The following ATXN2 variants were observed in gnomAD, a reference collection of about 807,000 sequenced individuals.
ATXN2 encodes the protein ataxin-2.
In ATXN2, 37 loss-of-function variants were observed where a neutral mutation model predicts 138.6. The ratio of observed to expected loss-of-function variants is 0.27; its 90% CI spans 0.21 to 0.35. ATXN2 has a LOEUF of 0.35. ATXN2 is among the 10% of genes least tolerant of loss of function. The pLI, the probability that ATXN2 is intolerant of heterozygous loss-of-function variation, is 1.00. For missense variants in ATXN2, 1,216 were observed against 1,480.3 expected (o/e 0.82, Z 2.93); for synonymous variants, 549 against 543.7 (o/e 1.01, Z -0.13).
chr12:111,470,612 A>G lies in ATXN2; in HGVS notation c.2655T>C (p.Pro885=), dbSNP rs1876342170. ...AYSTQYVAYS[P]QQFPNQPLVQ... ...CAAGGGGCTGATTTGGGAACTGCTG[A>G]GGACTGTAGGCAACATATTGCGTGG... Residue 885 remains proline, a synonymous_variant, in exon 19 of 25, where the codon CCT becomes CCC. Transcript: ENST00000673436. 1.2e-6 allele frequency: 2 copies of G among 1,614,160 alleles called. No homozygotes were observed. Among genetic ancestry groups the G allele is most frequent in the Non-Finnish European group, 1.7e-6 (2 of 1,180,022 alleles).
chr12:111,579,699 CTTT>C (rs553336363), intron 1 of ATXN2, among the ~76,000 whole-genome samples: 8 of 138,836 alleles, frequency 5.8e-5, no homozygotes, highest in Admixed American at 1.5e-4. Context: ...TACAGACGAC[CTTT>C]TTTTTTTTTT....
At chr12:111,578,690 CAAAT>C (rs1343936593) in intron 1 of ATXN2, among the ~76,000 whole-genome samples, 1 of 152,066 alleles carries the variant, frequency 6.6e-6, no homozygotes, top group South Asian at 2.1e-4. Flanking sequence ...GTATGAATGT[CAAAT>C]AAACACATGA....
At chr12:111,461,153 C>A (rs1462632859) in intron 21 of ATXN2, 1 of 152,180 alleles carries the variant, frequency 6.6e-6, no homozygotes, top group Non-Finnish European at 1.5e-5. Context: ...ATCAGGAATT[C>A]TTTTCCTCCT....
chr12:111,598,184 A>G lies in ATXN2; in HGVS notation c.251+600T>C, dbSNP rs2135861177. ...CGGGGGCCAAGGCCCACTTGTCTCC[A>G]CCCCGTCCTCCGATCTTTCCCAGGA... On this transcript the variant is annotated intron_variant, in intron 1 of 24. Transcript: ENST00000673436. The surrounding 1 kb of genome is among the most constrained non-coding windows in gnomAD (Gnocchi z 4.5). The G allele has an allele frequency of 9.5e-7, 1 of 1,053,742 alleles. No homozygotes were observed. Among genetic ancestry groups the G allele is most frequent in the African/African-American group, 1.7e-5 (1 of 59,588 alleles). 65.3% of individuals were successfully genotyped at this position (1,053,742 alleles called of 1,614,324 possible). A position where few individuals can be genotyped will look rare whatever the true frequency, so the allele number is the denominator to read the frequency against.
chr12:111,484,265 TC>T (rs1332534502), intron 18 of ATXN2, among the ~76,000 whole-genome samples: 2 of 151,120 alleles, frequency 1.3e-5, no homozygotes, highest in South Asian at 2.1e-4. Flanking sequence ...AGATTTCAGA[TC>T]AAAAAGCTTT....
chr12:111,453,214 TCCC>T lies in ATXN2; in HGVS notation c.3440-377_3440-375del. On this transcript the variant is annotated intron_variant, in intron 24 of 24. Transcript: ENST00000673436. The surrounding 1 kb of genome is among the most constrained non-coding windows in gnomAD (Gnocchi z 5.4). The stretch of plus-strand genomic sequence containing the variant: ...AGTAGAGCACAATCACAGGGCGCTC[TCCC>T]CTGTTCAGGGGCTGGGGCTAACGCT... The T allele has an allele frequency of 1.8e-6, 2 of 1,085,278 alleles. No individual in the cohort carries two copies. Among genetic ancestry groups the T allele is most frequent in the Non-Finnish European group, 2.2e-6 (2 of 893,918 alleles). The allele number at this position is 1,085,278 out of a possible 1,614,324, so 67.2% of individuals were successfully genotyped here. A position where few individuals can be genotyped will look rare whatever the true frequency, so the allele number is the denominator to read the frequency against.
chr12:111,556,673 AGGTGTGGT>A (rs1335193164), intron 1 of ATXN2, among the ~76,000 whole-genome samples: 1 of 151,866 alleles, frequency 6.6e-6, no homozygotes, highest in African/African-American at 2.4e-5. Flanking sequence ...AAAATTAGCC[AGGTGTGGT>A]GGCATGCGCC....
At chr12:111,554,262 C>CTATTAGA (rs1882274000) in intron 2 of ATXN2, 45 bp from the exon 3 acceptor site, 1 of 1,238,036 alleles carries the variant, frequency 8.1e-7, no homozygotes. Flanking sequence ...TTAGTACAAA[C>CTATTAGA]TGAATCTTCC....
intron 1 of ATXN2, among the ~76,000 whole-genome samples, chr12:111,563,328 T>G (rs1238665352): frequency 6.6e-6 from 1 of 152,166 alleles, no homozygotes; most frequent in East Asian, 1.9e-4. Flanking sequence ...TATATATATA[T>G]GTAGAATATA....
chr12:111,591,168 C>T (rs1405882722), intron 1 of ATXN2, among the ~76,000 whole-genome samples: 4 of 152,110 alleles, frequency 2.6e-5, no homozygotes, highest in Middle Eastern at 3.4e-3. Context: ...GGATTACAGG[C>T]GTGAGCCACC....
At chr12:111,519,776 C>T (rs959265996) in intron 8 of ATXN2, 103 bp downstream of exon 8, 2 of 1,564,126 alleles carry the variant, frequency 1.3e-6, no homozygotes, top group African/African-American at 2.7e-5. Context: ...CATTCTCTAC[C>T]TAAGCTATAT....
At chr12:111,583,203 G>T (rs1044736593) in intron 1 of ATXN2, among the ~76,000 whole-genome samples, 2 of 147,972 alleles carry the variant, frequency 1.4e-5, no homozygotes, top group Non-Finnish European at 3.0e-5. Context: ...ATGTTGCCCA[G>T]GTTGGTCTCG....
At chr12:111,564,022 T>C (rs79332518) in intron 1 of ATXN2, among the ~76,000 whole-genome samples, 1,606 of 152,270 alleles carry the variant, frequency 0.011, 23 homozygotes, top group African/African-American at 0.035. Context: ...CAGGGGGTCA[T>C]AGCCCCACAT....
At chr12:111,479,855 T>TAA (rs11345860) in intron 18 of ATXN2, among the ~76,000 whole-genome samples, 1 of 140,546 alleles carries the variant, frequency 7.1e-6, no homozygotes, top group South Asian at 2.2e-4. Flanking sequence ...TTCCATTTAT[T>TAA]AAAAAAAAAA....
chr12:111,521,368 T>C (rs966693998), intron 6 of ATXN2, among the ~76,000 whole-genome samples: 1 of 152,208 alleles, frequency 6.6e-6, no homozygotes, highest in African/African-American at 2.4e-5. Flanking sequence ...CATATTTTAC[T>C]TCTTTTAAAC....
At chr12:111,553,491 C>T (rs1338487819) in intron 3 of ATXN2, among the ~76,000 whole-genome samples, 2 of 127,990 alleles carry the variant, frequency 1.6e-5, no homozygotes, top group Non-Finnish European at 3.1e-5. Context: ...TGTAAATTGT[C>T]ATACTGTATT....
At chr12:111,538,607 C>T (rs1370019673) in intron 5 of ATXN2, among the ~76,000 whole-genome samples, 1 of 149,876 alleles carries the variant, frequency 6.7e-6, no homozygotes, top group African/African-American at 2.4e-5. Flanking sequence ...TCTGCCTTGG[C>T]CTCCCAAAGT....
intron 5 of ATXN2, among the ~76,000 whole-genome samples, chr12:111,544,176 A>T (rs1398082933): frequency 6.6e-6 from 1 of 152,242 alleles, no homozygotes; most frequent in Admixed American, 6.5e-5. Context: ...TTCACTAGGT[A>T]CACAGTTTCA....
intron 1 of ATXN2, among the ~76,000 whole-genome samples, chr12:111,560,084 C>G (rs1379815022): frequency 6.6e-6 from 1 of 152,132 alleles, no homozygotes. Flanking sequence ...CAGAAACTAT[C>G]CCTTCAAAGA....
Sources: gnomAD v4.1 joint callset for allele counts (sites outside exome capture counted in the v4.1 genomes callset) on GRCh38, gnomAD v4.1.1 for gene constraint, Gnocchi (gnomAD v3.1) non-coding constraint, MANE v1.5 for transcripts, NCBI Gene and HGNC (gene_info 2026-07-23, HGNC 2026-07-21) for gene names.